FRS3: variants seen among roughly 807,000 people sequenced by gnomAD.
FRS3 encodes the protein fibroblast growth factor receptor substrate 3, also known as FGFR substrate 3.
Under a neutral mutation model 41.9 loss-of-function variants are expected in FRS3, and 17 were observed. That is an observed-to-expected ratio of 0.41 (90% CI 0.28 to 0.61). FRS3 has a LOEUF of 0.61. FRS3 is among the 20% of genes least tolerant of loss of function. The pLI, the probability that FRS3 is intolerant of heterozygous loss-of-function variation, is 0.36. For missense variants in FRS3, 619 were observed against 672.1 expected, an observed-to-expected ratio of 0.92 and a Z score of 0.87; for synonymous variants, 287 against 274.5, an observed-to-expected ratio of 1.05 and a Z score of -0.45.
chr6:41,773,431 G>A (rs1772345309), intron 4 of FRS3, among the ~76,000 whole-genome samples: 1 of 152,042 alleles, frequency 6.6e-6, no homozygotes, highest in African/African-American at 2.4e-5. Flanking sequence ...GTCTGCTCTA[G>A]AATCCAAGAG....
At chr6:41,777,080 G>A (rs887112912) in intron 2 of FRS3, 70 bp from the exon 3 acceptor site, 4 of 1,077,502 alleles carry the variant, frequency 3.7e-6, no homozygotes, top group South Asian at 1.3e-5. Flanking sequence ...GGGGAACTTG[G>A]GCAGAAGCAC....
intron 6 of FRS3, 138 bp downstream of exon 6, chr6:41,771,678 T>A: frequency 8.6e-7 from 1 of 1,168,392 alleles, no homozygotes; most frequent in African/African-American, 1.5e-5. Flanking sequence ...AGGAAGCTGC[T>A]CCCTTTTGGG....
At chr6:41,778,877 C>A (rs1463341599) in intron 1 of FRS3, among the ~76,000 whole-genome samples, 1 of 152,106 alleles carries the variant, frequency 6.6e-6, no homozygotes, top group Non-Finnish European at 1.5e-5. Context: ...GATATCTGAG[C>A]CCAAGGTAGA....
At position 41,771,944 on chromosome 6, in the gene FRS3, T is replaced by G; in HGVS notation, c.436A>C (p.Ser146Arg). 1 of 1,563,746 alleles carries G rather than the reference T, an allele frequency of 6.4e-7. No individual in the cohort carries two copies. The highest frequency in any genetic ancestry group is 8.7e-7 in the Non-Finnish European group (1 of 1,153,806). The change falls in exon 6 of 7, where the codon AGC (serine) becomes CGC (arginine). Residue 146 changes from serine (S) to arginine (R), a missense_variant. By Grantham distance (110) the Ser-to-Arg change is moderately radical. Coordinates refer to ENST00000373018, the MANE Select transcript of FRS3 (RefSeq NM_006653.5). ...TCTCCAGGGCAGCCATTGGAAAAGC[T>G]GGAGACAGTGTAGCCTAGAGCTGAG... is the stretch of plus-strand genomic sequence containing the variant. ...PPNALGYTVSSFSNGCPGEGP... is the reference protein window; with the variant it reads ...PPNALGYTVSRFSNGCPGEGP...
intron 1 of FRS3, among the ~76,000 whole-genome samples, chr6:41,779,217 T>G (rs573524343): frequency 6.6e-6 from 1 of 151,768 alleles, no homozygotes; most frequent in Non-Finnish European, 1.5e-5. Flanking sequence ...TCAGGATGTA[T>G]CAGATAGCCC....
intron 4 of FRS3, among the ~76,000 whole-genome samples, chr6:41,774,931 A>AC (rs1047164420): frequency 6.6e-5 from 9 of 135,884 alleles, no homozygotes; most frequent in Non-Finnish European, 1.3e-4. Context: ...TGTAGATCAA[A>AC]CATCACTAGG....
intron 1 of FRS3, among the ~76,000 whole-genome samples, chr6:41,779,446 G>A (rs929452105): frequency 6.6e-6 from 1 of 152,002 alleles, no homozygotes; most frequent in Admixed American, 6.5e-5. Context: ...GAAGCATTTG[G>A]GGGCATCCAA....
At chr6:41,771,985 C>A in intron 5 of FRS3, 21 bp from the exon 6 acceptor site, 1 of 1,511,064 alleles carries the variant, frequency 6.6e-7, no homozygotes, top group African/African-American at 1.4e-5. Flanking sequence ...GGGAGACAAG[C>A]CCAGGAGAGG....
At position 41,779,855 on chromosome 6, in the gene FRS3, G is replaced by C. The variant is rs1772497920; in HGVS notation, c.-207C>G. The C allele has an allele frequency of 6.8e-6, 1 of 146,576 alleles. No homozygotes were observed. Among genetic ancestry groups the C allele is most frequent in the African/African-American group, 2.5e-5 (1 of 40,274 alleles). The allele number at this position is 146,576 out of a possible 1,614,324, so 9.1% of individuals were successfully genotyped here. A position where few individuals can be genotyped will look rare whatever the true frequency, so the allele number is the denominator to read the frequency against. On this transcript the variant is annotated 5_prime_UTR_variant, in exon 1 of 7. Transcript: ENST00000373018. The stretch of plus-strand genomic sequence containing the variant: ...CGGGCGGCGCCGGGCCCCGCTCCCG[G>C]GTCCCGCTGCAGCAGCCGCCGCCCG...
rs1772250083 is a variant in FRS3 at position 41,770,276 on chromosome 6, T to C, written c.*343A>G. 1.9e-5 allele frequency: 5 copies of C among 261,320 alleles called. No homozygotes were observed. In the East Asian group the frequency reaches 3.6e-4, roughly 19 times the overall value. The allele number at this position is 261,320 out of a possible 1,614,324, so 16.2% of individuals were successfully genotyped here. On this transcript the variant is annotated 3_prime_UTR_variant, in exon 7 of 7. Transcript: ENST00000373018. ...ATAAATAAAATCAACAGGTACAAAA[T>C]GTTTCAAAATTCCAACCAAAAAAAA...
chr6:41,775,585 C>A lies in FRS3; in HGVS notation c.87G>T (p.Glu29Asp), dbSNP rs941358147. 6.2e-7 allele frequency: 1 copy of A among 1,614,022 alleles called. No homozygotes were observed. Residue 29 changes from glutamate (E) to aspartate (D), a missense_variant, in exon 4 of 7, where the codon GAG (glutamate) becomes GAT (aspartate). By Grantham distance (45) the Glu-to-Asp change is conservative. Transcript: ENST00000373018. ...TKFKVTNVDD[E>D]GVELGSGVME... ...TCACCCCAGAGCCCAGCTCCACCCC[C>A]TCATCATCCACATTTGTCACCTGGA...
Position 41,771,098 on chromosome 6 carries a change from T to C in FRS3, c.1000A>G (p.Ser334Gly). 6.3e-7 allele frequency: 1 copy of C among 1,591,450 alleles called. No homozygotes were observed. Among genetic ancestry groups the C allele is most frequent in the Non-Finnish European group, 8.6e-7 (1 of 1,166,664 alleles). ...TCCCCTCCCAGCTGCTGGGCTTGGC[T>C]TTCCCACACAGGGGGCAGTGGGGGC... ...NLPPLPPVWE[S>G]QAQQLGGEAG... The change falls in exon 7 of 7, where the codon AGC becomes GGC. Residue 334 changes from serine (S) to glycine (G), a missense_variant. Around this residue, in one of 3 missense-constraint regions of FRS3, gnomAD observed 487 missense variants for 478.3 expected, o/e 1.02. Transcript: ENST00000373018.
rs199704401 is a variant in FRS3, at chr6:41,775,520, C to T, written c.152G>A (p.Arg51Gln). ...TQSELVLHLH[R>Q]REAVRWPYLC... ...ATAAGGCCAGCGGACGGCCTCACGCCGATGCAGGTGCAGCACCAGCTCACT... is the reference window on the plus strand; with the variant it reads ...ATAAGGCCAGCGGACGGCCTCACGCTGATGCAGGTGCAGCACCAGCTCACT... The change falls in exon 4 of 7, where the codon CGG becomes CAG. Residue 51 changes from arginine (R) to glutamine (Q), a missense_variant. Transcript: ENST00000373018. The T allele has an allele frequency of 4.3e-5, 69 of 1,614,080 alleles. No homozygotes were observed. The East Asian group carries it at 1.2e-3, about 27-fold the overall frequency.
At chr6:41,777,498 CT>C (rs1772436584) in intron 2 of FRS3, 1 of 154,872 alleles carries the variant, frequency 6.5e-6, no homozygotes, top group African/African-American at 2.4e-5. Context: ...ATCCATTCCA[CT>C]TCATCCAAGT....
At position 41,779,818 on chromosome 6, in the gene FRS3, C is replaced by G. The variant is rs1300055179; in HGVS notation, c.-170G>C. The G allele has an allele frequency of 1.4e-5, 2 of 146,288 alleles. No individual in the cohort carries two copies. The highest frequency in any genetic ancestry group is 3.0e-5 in the Non-Finnish European group (2 of 65,906). The allele number at this position is 146,288 out of a possible 1,614,324, so 9.1% of individuals were successfully genotyped here. A position where few individuals can be genotyped will look rare whatever the true frequency, so the allele number is the denominator to read the frequency against. ...CGCCCCGCCGCGCCCCGACTCACAT[C>G]GCCCCGCGGCCCGGGCGGCGCCGGG... On this transcript the variant is annotated splice_region_variant and 5_prime_UTR_variant, in exon 1 of 7. Transcript: ENST00000373018.
At chr6:41,779,770 C>CGCGG (rs1772494513) in intron 1 of FRS3, 46 bp downstream of exon 1, 1 of 123,940 alleles carries the variant, frequency 8.1e-6, no homozygotes, top group Non-Finnish European at 1.7e-5. Context: ...CGCGGCGCGG[C>CGCGG]CTCGGTGAAG....
In FRS3 at chr6:41,776,918, G is replaced by A. The variant is rs558645133; in HGVS notation, c.66+4C>T. 3.1e-6 allele frequency: 5 copies of A among 1,612,404 alleles called. No homozygotes were observed. In the South Asian group the frequency reaches 4.4e-5, roughly 14 times the overall value. ...AACACAGGAGAGGAGAGGGCTCTGG[G>A]TACCTTGAACTTGGTGGGGTGGTTG... On this transcript the variant is annotated splice_donor_region_variant and intron_variant, in intron 3 of 6. Coordinates refer to ENST00000373018, the MANE Select transcript of FRS3 (RefSeq NM_006653.5).
At position 41,770,673 on chromosome 6, in the gene FRS3, T is replaced by G. The variant is rs1162906157; in HGVS notation, c.1425A>C (p.Arg475=). The G allele has an allele frequency of 6.2e-7, 1 of 1,613,898 alleles. No homozygotes were observed. The highest frequency in any genetic ancestry group is 2.2e-5 in the East Asian group (1 of 44,876). ...GGGTTTTCCTGGCGGTGCCATCGTC[T>G]CGGGGCAGAGCTCTCTGCAGGTTGG... is the stretch of plus-strand genomic sequence containing the variant. ...AMSNLQRALP[R]DDGTARKTRH... Residue 475 remains arginine (R), a synonymous_variant, in exon 7 of 7, where the codon CGA becomes CGC. Transcript: ENST00000373018.
rs1436338610 is a variant in FRS3 at position 41,770,815 on chromosome 6, T to C, written c.1283A>G (p.Asp428Gly). The C allele has an allele frequency of 6.2e-7, 1 of 1,610,724 alleles. No individual in the cohort carries two copies. The highest frequency in any genetic ancestry group is 8.5e-7 in the Non-Finnish European group (1 of 1,179,332). Residue 428 changes from aspartate (D) to glycine (G), a missense_variant, in exon 7 of 7, where the codon GAC becomes GGC. By Grantham distance (94) the Asp-to-Gly change is moderately conservative. Around this residue, in one of 3 missense-constraint regions of FRS3, gnomAD observed 487 missense variants for 478.3 expected, o/e 1.02. Transcript: ENST00000373018. ...IQVELKGWGG[D>G]RPKGPQNPSS... The stretch of plus-strand genomic sequence containing the variant: ...GGGGTTCTGGGGCCCCTTAGGGCGG[T>C]CTCCACCCCAGCCCTTTAGCTCCAC...
Sources: allele counts gnomAD v4.1 joint callset (sites outside exome capture counted in the v4.1 genomes callset), GRCh38; gene constraint gnomAD v4.1.1; regional missense constraint gnomAD v4.1.1; transcripts MANE v1.5; gene names NCBI Gene and HGNC (gene_info 2026-07-23, HGNC 2026-07-21).